SCGB2B2: variants seen among roughly 807,000 people sequenced by gnomAD.
The protein encoded by SCGB2B2 is secretoglobin-like protein.
Under a neutral mutation model 7.6 loss-of-function variants are expected in SCGB2B2, and 11 were observed. The ratio of observed to expected loss-of-function variants is 1.45; its 90% CI spans 0.91 to 2.40. The LOEUF is 2.40. SCGB2B2 is among the 30% of genes most tolerant of loss of function. The probability of loss-of-function intolerance (pLI) is 0.00; values close to 1 mark genes in which losing one functional copy is unlikely to be tolerated. For missense variants in SCGB2B2, 104 were observed against 115.4 expected (o/e 0.90, Z 0.45); for synonymous variants, 50 against 48.6 (o/e 1.03, Z -0.12).
intron 1 of SCGB2B2, among the ~76,000 whole-genome samples, chr19:34,606,189 A>G (rs1277380787): frequency 6.6e-6 from 1 of 152,134 alleles, no homozygotes; most frequent in Non-Finnish European, 1.5e-5. Flanking sequence ...GGCATAATTG[A>G]CAAATAGGAA....
At chr19:34,600,039 T>G (rs535174089) in intron 1 of SCGB2B2, among the ~76,000 whole-genome samples, 50 of 120,314 alleles carry the variant, frequency 4.2e-4, no homozygotes, top group South Asian at 1.7e-3. Flanking sequence ...GATTTTATGG[T>G]TTTTTTTTAT....
At chr19:34,646,164 G>A (rs2067006552) in intron 1 of SCGB2B2, 1 of 161,290 alleles carries the variant, frequency 6.2e-6, no homozygotes, top group Non-Finnish European at 1.3e-5. Context: ...CATATCCTGA[G>A]CAGGAAGCCA....
chr19:34,669,576 G>A (rs2067742599), intron 1 of SCGB2B2, among the ~76,000 whole-genome samples: 1 of 152,152 alleles, frequency 6.6e-6, no homozygotes, highest in Non-Finnish European at 1.5e-5. Flanking sequence ...ATCCCACGGT[G>A]CTCCAGGGAG....
intron 1 of SCGB2B2, among the ~76,000 whole-genome samples, chr19:34,611,797 C>G (rs113570238): frequency 0.019 from 2,950 of 151,394 alleles, 46 homozygotes; most frequent in East Asian, 0.067. Flanking sequence ...TTACAGGTGC[C>G]TGCTACCACA....
chr19:34,604,353 A>G (rs1051849784), intron 1 of SCGB2B2, among the ~76,000 whole-genome samples: 1 of 152,132 alleles, frequency 6.6e-6, no homozygotes, highest in Non-Finnish European at 1.5e-5. Flanking sequence ...CCTTTTCCTT[A>G]GTAAGTGATG....
At chr19:34,666,332 T>C (rs2067620663) in intron 1 of SCGB2B2, among the ~76,000 whole-genome samples, 2 of 151,740 alleles carry the variant, frequency 1.3e-5, no homozygotes, top group Non-Finnish European at 2.9e-5. Context: ...CAACCTCAGG[T>C]ACCAAACACC....
intron 1 of SCGB2B2, among the ~76,000 whole-genome samples, chr19:34,605,341 T>C (rs1221646818): frequency 6.6e-6 from 1 of 152,194 alleles, no homozygotes; most frequent in African/African-American, 2.4e-5. Flanking sequence ...TCATAGGCAC[T>C]TCCACTACAG....
intron 1 of SCGB2B2, among the ~76,000 whole-genome samples, chr19:34,602,566 T>C (rs1252668791): frequency 6.6e-6 from 1 of 152,100 alleles, no homozygotes; most frequent in Non-Finnish European, 1.5e-5. Context: ...TGTGGGTTGA[T>C]ATATTGGAGA....
chr19:34,651,904 C>T lies in SCGB2B2; in HGVS notation c.-2032+23726G>A, dbSNP rs187138852. On this transcript the variant is annotated intron_variant, in intron 1 of 3. Coordinates refer to ENST00000601241, the MANE Select transcript of SCGB2B2 (RefSeq NM_001025591.4). ...GACTACAAAGCTATAGTAAACAAAA[C>T]AGCATGGTACTTGCATAAAAACAGA... is the stretch of plus-strand genomic sequence containing the variant. Among the ~76,000 whole-genome samples, 219 of 151,254 alleles carry T rather than the reference C, an allele frequency of 1.4e-3. 12 individuals are homozygous for T. The highest frequency in any genetic ancestry group is 5.1e-3 in the African/African-American group (208 of 40,620).
intron 1 of SCGB2B2, among the ~76,000 whole-genome samples, chr19:34,598,621 G>A (rs1045114179): frequency 2.6e-5 from 4 of 152,176 alleles, no homozygotes; most frequent in Admixed American, 1.3e-4. Context: ...CAAGAGTGCA[G>A]CTGGGTGTGG....
chr19:34,626,834 A>G (rs1269837160), intron 1 of SCGB2B2, among the ~76,000 whole-genome samples: 1 of 152,226 alleles, frequency 6.6e-6, no homozygotes, highest in African/African-American at 2.4e-5. Flanking sequence ...AAATGAAGGA[A>G]AAAATGTTAA....
intron 1 of SCGB2B2, among the ~76,000 whole-genome samples, chr19:34,617,454 A>G (rs940264944): frequency 2.6e-5 from 4 of 150,992 alleles, no homozygotes; most frequent in African/African-American, 9.8e-5. Flanking sequence ...GCAATTGTGA[A>G]TGGGAGTTCA....
chr19:34,662,955 CAAACA>C (rs1568443128), intron 1 of SCGB2B2, among the ~76,000 whole-genome samples: 2 of 146,276 alleles, frequency 1.4e-5, no homozygotes, highest in African/African-American at 5.3e-5. Context: ...AACAAACAAA[CAAACA>C]AAAAAAAACA....
chr19:34,628,059 T>G (rs1034514203), intron 1 of SCGB2B2, among the ~76,000 whole-genome samples: 16 of 152,146 alleles, frequency 1.1e-4, no homozygotes, highest in African/African-American at 3.9e-4. Context: ...AATAAAGATG[T>G]TCTTTGAAAC....
chr19:34,590,379 GTTCATCCATCCATCCA>G (rs1198280276), downstream of SCGB2B2, among the ~76,000 whole-genome samples: 1 of 136,634 alleles, frequency 7.3e-6, no homozygotes, highest in Non-Finnish European at 1.7e-5. Flanking sequence ...CCATCCATCC[GTTCATCCATCCATCCA>G]TTCATCCATT....
chr19:34,673,248 T>C (rs1457824012), intron 1 of SCGB2B2, among the ~76,000 whole-genome samples: 1 of 152,224 alleles, frequency 6.6e-6, no homozygotes, highest in East Asian at 1.9e-4. Context: ...TCTGCTTCAT[T>C]TTCTTTCTCA....
At chr19:34,625,237 G>T (rs148726496) in intron 1 of SCGB2B2, among the ~76,000 whole-genome samples, 93 of 152,280 alleles carry the variant, frequency 6.1e-4, no homozygotes, top group African/African-American at 2.0e-3. Flanking sequence ...CTGAGGTACC[G>T]GGTTCATCTC....
chr19:34,620,809 C>T (rs144133941), intron 1 of SCGB2B2, among the ~76,000 whole-genome samples: 360 of 152,258 alleles, frequency 2.4e-3, no homozygotes, highest in Non-Finnish European at 4.4e-3. Flanking sequence ...ATTAACATCA[C>T]ACCATTTGGC....
chr19:34,608,685 A>ATATATATATATATATATATATAT (rs1489127995), intron 1 of SCGB2B2: 4 of 131,470 alleles, frequency 3.0e-5, no homozygotes, highest in Non-Finnish European at 5.1e-5. Flanking sequence ...ATATATATAT[A>ATATATATATATATATATATATAT]CCGTATTTTC....
Sources: gnomAD v4.1 joint callset for allele counts (sites outside exome capture counted in the v4.1 genomes callset) on GRCh38, gnomAD v4.1.1 for gene constraint, MANE v1.5 for transcripts, NCBI Gene and HGNC (gene_info 2026-07-23, HGNC 2026-07-21) for gene names.